The following SYT8 variants were observed in gnomAD, a reference collection of about 807,000 sequenced individuals.
SYT8 encodes the protein synaptotagmin-8.
A neutral mutation model predicts 34.9 loss-of-function variants in SYT8; 50 were observed. The ratio of observed to expected loss-of-function variants is 1.43; its 90% CI spans 1.14 to 1.81. The LOEUF (loss-of-function observed/expected upper bound fraction) is 1.81, where lower values mean the gene tolerates loss of function less well. SYT8 is among the 40% of genes most tolerant of loss of function. The pLI is 0.00. For synonymous variants in SYT8, 255 were observed against 234.2 expected (o/e 1.09, Z -0.81); for missense variants, 595 against 529.0 (o/e 1.12, Z -1.22).
upstream of SYT8, among the ~76,000 whole-genome samples, chr11:1,832,635 C>A (rs1379678895): frequency 6.6e-6 from 1 of 152,124 alleles, no homozygotes; most frequent in Admixed American, 6.5e-5. Flanking sequence ...GGTGGCCATG[C>A]GCCCGCTGCA....
rs746123960 is a variant in SYT8 at position 1,836,858 on chromosome 11, G to T, written c.787G>T (p.Ala263Ser). The T allele has an allele frequency of 1.2e-6, 2 of 1,612,102 alleles. No homozygotes were observed. The highest frequency in any genetic ancestry group is 2.2e-5 in the South Asian group (2 of 91,084). Residue 263 changes from alanine to serine, a missense_variant, in exon 6 of 8, where the codon GCA (alanine) becomes TCA (serine). Coordinates refer to ENST00000341958, the MANE Select transcript of SYT8 (RefSeq NM_001394072.1). ...LEARGLRPGL[A>S]EPYVKVQLML... ...GGCTCGAGGCCTGCGTCCAGGACTT[G>T]CAGGTGAGGGTCACACCTGCCCACG...
rs750738104 is a variant in SYT8, at chr11:1,836,108, C to T, written c.358-18C>T. On this transcript the variant is annotated intron_variant, in intron 3 of 7. Coordinates refer to ENST00000341958, the MANE Select transcript of SYT8 (RefSeq NM_001394072.1). ...CAGGGCAGGGGCCCTTGGCTGAGCC[C>T]ACCCCGCTGGCTCCCAGATCAGGGT... 1 of 1,510,876 alleles carries T rather than the reference C, an allele frequency of 6.6e-7. No individual in the cohort carries two copies. Among genetic ancestry groups the T allele is most frequent in the Non-Finnish European group, 8.9e-7 (1 of 1,129,560 alleles). 93.6% of individuals were successfully genotyped at this position (1,510,876 alleles called of 1,614,324 possible).
Position 1,836,765 on chromosome 11 carries a change from G to A in SYT8, c.694G>A (p.Val232Ile), listed in dbSNP as rs1565054689. 1 of 1,609,536 alleles carries A rather than the reference G, an allele frequency of 6.2e-7. No homozygotes were observed. Among genetic ancestry groups the A allele is most frequent in the Non-Finnish European group, 8.5e-7 (1 of 1,179,880 alleles). Residue 232 changes from valine (V) to isoleucine (I), a missense_variant, in exon 6 of 8, where the codon GTC (valine) becomes ATC (isoleucine). Val to Ile is a conservative substitution (Grantham distance 29). Transcript: ENST00000341958. ...GPPAATQPEQ[V>I]GELCFSLRYV... is the part of the protein sequence containing the mutation. ...CTCTTGCTGCCCACAGCCCGAGCAG[G>A]TCGGGGAGCTGTGCTTCTCTCTCCG...
In SYT8 at chr11:1,837,108, A is replaced by G. The variant is rs1181157689; in HGVS notation, c.924+18A>G. 3 of 1,612,658 alleles carry G rather than the reference A, an allele frequency of 1.9e-6. No homozygotes were observed. In the South Asian group the frequency reaches 3.3e-5, roughly 18 times the overall value. On this transcript the variant is annotated intron_variant, in intron 7 of 7. Transcript: ENST00000341958. ...AGGTCCAGGTGGGCCACCGGGAGGC[A>G]GGGGCAGAGCGAGACCCAGTGCCAG...
chr11:1,834,718 GGA>G (rs1347130340), upstream of SYT8: 3 of 1,132,510 alleles, frequency 2.6e-6, no homozygotes, highest in Admixed American at 4.7e-5. The surrounding 1 kb of genome is among the most constrained non-coding windows in gnomAD (Gnocchi z 4.5). Flanking sequence ...CCAGGGCCCA[GGA>G]GAGAGAAGCA....
In SYT8 at chr11:1,835,094, C is replaced by T. The variant is rs767239020; in HGVS notation, c.-12C>T. 1 of 1,612,696 alleles carries T rather than the reference C, an allele frequency of 6.2e-7. No individual in the cohort carries two copies. The highest frequency in any genetic ancestry group is 8.5e-7 in the Non-Finnish European group (1 of 1,179,720). ...TCCTGGGCCGCTTCTTCCAAACCAG[C>T]AGGGTAGAAAGATGGGGCACCCACC... is the stretch of plus-strand genomic sequence containing the variant. On this transcript the variant is annotated 5_prime_UTR_variant, in exon 1 of 8. Coordinates refer to ENST00000341958, the MANE Select transcript of SYT8 (RefSeq NM_001394072.1).
At position 1,836,051 on chromosome 11, in the gene SYT8, C is replaced by T. The variant is rs768766930; in HGVS notation, c.357+67C>T. ...TCCGGAAAGGGTGACGGGGGAAGGG[C>T]AGACCCCATGCCCTGGGTGGTGGGG... is the stretch of plus-strand genomic sequence containing the variant. On this transcript the variant is annotated intron_variant, in intron 3 of 7. Transcript: ENST00000341958. 2.6e-5 allele frequency: 41 copies of T among 1,576,724 alleles called. 2 individuals are homozygous for T. The African/African-American group carries it at 4.9e-4, about 19-fold the overall frequency.
chr11:1,833,815 CGTGTGT>C (rs3837417), upstream of SYT8: 3,263 of 141,758 alleles, frequency 0.023, 53 homozygotes, highest in African/African-American at 0.039. Context: ...TGTGCGCGTG[CGTGTGT>C]GTGTGTGTGT....
Position 1,836,406 on chromosome 11 carries a change from G to C in SYT8, c.517-19G>C, listed in dbSNP as rs1471709696. On this transcript the variant is annotated intron_variant, in intron 4 of 7. Transcript: ENST00000341958. ...GCCTGAGCTAGGGCAGCAGGGCCTG[G>C]CTCACGCCGCTGCCTCAGATCCCGC... The C allele has an allele frequency of 1.3e-6, 2 of 1,526,490 alleles. No homozygotes were observed. The highest frequency in any genetic ancestry group is 4.2e-5 in the Admixed American group (2 of 48,192). 94.6% of individuals were successfully genotyped at this position (1,526,490 alleles called of 1,614,324 possible). A position where few individuals can be genotyped will look rare whatever the true frequency, so the allele number is the denominator to read the frequency against.
upstream of SYT8, chr11:1,834,169 A>AT (rs1241270671): frequency 9.9e-6 from 3 of 303,626 alleles, no homozygotes; most frequent in African/African-American, 6.9e-5. The surrounding 1 kb of genome is among the most constrained non-coding windows in gnomAD (Gnocchi z 4.5). Context: ...CGTAGGCCCC[A>AT]TGTAGCACCC....
upstream of SYT8, among the ~76,000 whole-genome samples, chr11:1,832,298 G>C (rs1208698218): frequency 6.6e-6 from 1 of 152,206 alleles, no homozygotes; most frequent in South Asian, 2.1e-4. Flanking sequence ...AGCCGCCTTC[G>C]TGGGGAGAGA....
rs369083931 is a variant in SYT8 at position 1,837,375 on chromosome 11, C to A, written c.1108C>A (p.Arg370Ser). 6.9e-6 allele frequency: 11 copies of A among 1,599,116 alleles called. No homozygotes were observed. Among genetic ancestry groups the A allele is most frequent in the Non-Finnish European group, 9.3e-6 (11 of 1,176,870 alleles). The change falls in exon 8 of 8, where the codon CGC becomes AGC. Residue 370 changes from arginine to serine, a missense_variant. Physicochemically the swap from Arg to Ser is moderately radical, Grantham distance 110. Transcript: ENST00000341958. ...HPLRPAREVD[R>S]MLALQPRLRL... ...CCTGCGGCCAGCCAGGGAGGTGGAC[C>A]GCATGCTGGCCCTGCAGCCCCGCCT...
Position 1,836,423 on chromosome 11 carries a change from A to G in SYT8, c.517-2A>G. On this transcript the variant is annotated splice_acceptor_variant, in intron 4 of 7. Transcript: ENST00000341958. LOFTEE classifies it high-confidence loss of function. ...AGGGCCTGGCTCACGCCGCTGCCTC[A>G]GATCCCGCAGGCGGAGCTGCCAGGG... 1 of 1,550,862 alleles carries G rather than the reference A, an allele frequency of 6.4e-7. No homozygotes were observed. Among genetic ancestry groups the G allele is most frequent in the Non-Finnish European group, 8.7e-7 (1 of 1,149,290 alleles).
rs775248306 is a variant in SYT8, at chr11:1,837,420, C to G, written c.1153C>G (p.Pro385Ala). 1.2e-6 allele frequency: 2 copies of G among 1,605,774 alleles called. No homozygotes were observed. The highest frequency in any genetic ancestry group is 8.5e-7 in the Non-Finnish European group (1 of 1,179,520). Reference protein sequence around the residue: ...QPRLRLRLPLPHS With the variant: ...QPRLRLRLPLAHS ...CCGCCTTCGCCTGCGCCTGCCCTTG[C>G]CCCACTCCTGAATGCACCACATGCC... The change falls in exon 8 of 8, where the codon CCC (proline) becomes GCC (alanine). Residue 385 changes from proline to alanine, a missense_variant. Transcript: ENST00000341958.
rs753180866 is a variant in SYT8 at position 1,836,335 on chromosome 11, GGCTGGGTGGGCCTGGGCA to G, written c.517-57_517-40del. On this transcript the variant is annotated intron_variant, in intron 4 of 7. Transcript: ENST00000341958. ...GGGCCTGGACGGCTGGATGGGCCTGGGCTGGGTGGGCCTGGGCAGCTGGGTGGGCCTGGGCAGCTGGGT... is the reference window on the plus strand; with the variant it reads ...GGGCCTGGACGGCTGGATGGGCCTGGGCTGGGTGGGCCTGGGCAGCTGGGT... 1,310 of 1,501,068 alleles carry G rather than the reference GGCTGGGTGGGCCTGGGCA, an allele frequency of 8.7e-4. 5 individuals carry two copies. The highest frequency in any genetic ancestry group is 7.0e-3 in the African/African-American group (504 of 71,806). 93.0% of individuals were successfully genotyped at this position (1,501,068 alleles called of 1,614,324 possible). A position where few individuals can be genotyped will look rare whatever the true frequency, so the allele number is the denominator to read the frequency against.
At chr11:1,837,118 C>G (rs773661249) in intron 7 of SYT8, 28 bp downstream of exon 7, 11 of 1,610,964 alleles carry the variant, frequency 6.8e-6, no homozygotes, top group African/African-American at 1.3e-5. Context: ...AGGGGCAGAG[C>G]GAGACCCAGT....
upstream of SYT8, chr11:1,834,686 A>AC: frequency 6.9e-6 from 10 of 1,440,598 alleles, no homozygotes; most frequent in Non-Finnish European, 8.6e-6. The surrounding 1 kb of genome is among the most constrained non-coding windows in gnomAD (Gnocchi z 4.5). Flanking sequence ...ATGAGATGGG[A>AC]CCCCCAGGCA....
At position 1,836,106 on chromosome 11, in the gene SYT8, C is replaced by A; in HGVS notation, c.358-20C>A. On this transcript the variant is annotated intron_variant, in intron 3 of 7. Transcript: ENST00000341958. ...GACAGGGCAGGGGCCCTTGGCTGAGCCCACCCCGCTGGCTCCCAGATCAGG... is the reference window on the plus strand; with the variant it reads ...GACAGGGCAGGGGCCCTTGGCTGAGACCACCCCGCTGGCTCCCAGATCAGG... The A allele has an allele frequency of 6.6e-7, 1 of 1,513,468 alleles. No individual in the cohort carries two copies. The highest frequency in any genetic ancestry group is 8.8e-7 in the Non-Finnish European group (1 of 1,130,820). 93.8% of individuals were successfully genotyped at this position (1,513,468 alleles called of 1,614,324 possible).
chr11:1,833,046 A>G (rs537190024), upstream of SYT8, among the ~76,000 whole-genome samples: 1 of 152,162 alleles, frequency 6.6e-6, no homozygotes, highest in Non-Finnish European at 1.5e-5. Context: ...CTCAGCATGT[A>G]TACAGGCTCT....
Sources: allele counts gnomAD v4.1 joint callset (sites outside exome capture counted in the v4.1 genomes callset), GRCh38; gene constraint gnomAD v4.1.1; non-coding constraint Gnocchi (gnomAD v3.1); transcripts MANE v1.5; gene names NCBI Gene and HGNC (gene_info 2026-07-23, HGNC 2026-07-21).